KYAT3: variants seen among roughly 807,000 people sequenced by gnomAD.
KYAT3 encodes kynurenine--oxoglutarate transaminase 3.
KYAT3 carries 50 observed loss-of-function variants against 59.0 expected under a neutral mutation model. The observed-to-expected ratio is 0.85, with a 90% CI of 0.68 to 1.07. The LOEUF is 1.07. Among genes scored for constraint, KYAT3 ranks in the 50% least tolerant of loss-of-function variants. The pLI is 0.00. For missense variants in KYAT3, 497 were observed against 533.3 expected (o/e 0.93, Z 0.67); for synonymous variants, 148 against 177.0 (o/e 0.84, Z 1.30).
chr1:88,988,827 T>C (rs1046781403), intron 1 of KYAT3, among the ~76,000 whole-genome samples: 4 of 152,210 alleles, frequency 2.6e-5, no homozygotes, highest in Admixed American at 2.0e-4. Context: ...AGACGAATGA[T>C]AGTAGGTCCT....
chr1:88,984,156 T>G lies in KYAT3; in HGVS notation c.99+4096A>C, dbSNP rs145613765. On this transcript the variant is annotated intron_variant, in intron 2 of 13. Coordinates refer to ENST00000260508, the MANE Select transcript of KYAT3 (RefSeq NM_001008661.3). ...TAAAGATACATAAAAAATGCAATTATATTAAGCTCAAAAGTGTGTATAATT... is the reference window on the plus strand; with the variant it reads ...TAAAGATACATAAAAAATGCAATTAGATTAAGCTCAAAAGTGTGTATAATT... 4.7e-3 allele frequency: 1,453 copies of G among 310,116 alleles called. 18 individuals are homozygous for G. The highest frequency in any genetic ancestry group is 0.03 in the African/African-American group (1,392 of 46,992). 19.2% of individuals were successfully genotyped at this position (310,116 alleles called of 1,614,324 possible). A position where few individuals can be genotyped will look rare whatever the true frequency, so the allele number is the denominator to read the frequency against.
the KYAT3 span, among the ~76,000 whole-genome samples, chr1:88,928,240 A>G: frequency 2.0e-5 from 3 of 151,938 alleles, no homozygotes; most frequent in Non-Finnish European, 2.9e-5. Flanking sequence ...TAAAGGATAA[A>G]TTTTTCACTC....
At chr1:88,988,192 A>G (rs1677581164) in intron 2 of KYAT3, 60 bp downstream of exon 2, 2 of 1,060,620 alleles carry the variant, frequency 1.9e-6, no homozygotes, top group East Asian at 2.4e-5. Flanking sequence ...GAAAAATTAC[A>G]TATTTTTTGG....
At chr1:88,925,245 C>T in the KYAT3 span, among the ~76,000 whole-genome samples, 9 of 152,218 alleles carry the variant, frequency 5.9e-5, no homozygotes, top group Non-Finnish European at 8.8e-5. Flanking sequence ...TGACATTAGC[C>T]GGTTGAGATC....
chr1:88,966,613 C>A (rs1676360450), intron 4 of KYAT3, among the ~76,000 whole-genome samples: 1 of 151,684 alleles, frequency 6.6e-6, no homozygotes, highest in African/African-American at 2.4e-5. Flanking sequence ...TTGTAGTAGG[C>A]TTTTTTTTCT....
At chr1:88,929,129 A>G in the KYAT3 span, among the ~76,000 whole-genome samples, 43 of 152,178 alleles carry the variant, frequency 2.8e-4, no homozygotes, top group African/African-American at 1.0e-3. Flanking sequence ...TTTCCCTACC[A>G]AAGGCAGTAC....
intron 2 of KYAT3, chr1:88,983,976 G>C: frequency 1.5e-6 from 1 of 666,098 alleles, no homozygotes; most frequent in Non-Finnish European, 2.5e-6. Context: ...GCGCAATCTG[G>C]ATGCTTTTTA....
rs567427407 is a variant in KYAT3, at chr1:88,991,685, TG to T, written c.-2+899del. 6.8e-3 allele frequency among the ~76,000 whole-genome samples: 1,036 copies of T among 152,334 alleles called. 6 individuals are homozygous for T. Among genetic ancestry groups the T allele is most frequent in the Non-Finnish European group, 0.01 (700 of 68,026 alleles). ...CACGAGCCTGAAATTGCTGAAAAAC[TG>T]TTCTATGAAAATGGATTCGTGTAAC... On this transcript the variant is annotated intron_variant, in intron 1 of 13. Coordinates refer to ENST00000260508, the MANE Select transcript of KYAT3 (RefSeq NM_001008661.3).
Position 88,960,379 on chromosome 1 carries a change from G to A in KYAT3, c.787+788C>T, listed in dbSNP as rs553596395. Among the ~76,000 whole-genome samples, 4 of 135,768 alleles carry A rather than the reference G, an allele frequency of 2.9e-5. No individual in the cohort carries two copies. In the South Asian group the frequency reaches 9.1e-4, roughly 31 times the overall value. 89.1% of individuals were successfully genotyped at this position (135,768 alleles called of 152,430 possible). On this transcript the variant is annotated intron_variant, in intron 8 of 13. Coordinates refer to ENST00000260508, the MANE Select transcript of KYAT3 (RefSeq NM_001008661.3). ...CTATGGAAAATGGGGATGCAGAAGA[G>A]ACTAAAACAAACAAAATCCCTCCAT...
intron 2 of KYAT3, chr1:88,984,076 T>C (rs1455209250): frequency 1.8e-6 from 1 of 560,186 alleles, no homozygotes; most frequent in African/African-American, 1.9e-5. Flanking sequence ...CCTGTAATGG[T>C]GGAAGAAATG....
chr1:88,964,238 G>A (rs1676254773), intron 5 of KYAT3, among the ~76,000 whole-genome samples: 1 of 152,106 alleles, frequency 6.6e-6, no homozygotes, highest in Admixed American at 6.6e-5. Flanking sequence ...ATCCTCACAT[G>A]GGATGGCTTA....
chr1:88,960,828 G>T (rs866936935), intron 8 of KYAT3, among the ~76,000 whole-genome samples: 1 of 152,184 alleles, frequency 6.6e-6, no homozygotes, highest in Non-Finnish European at 1.5e-5. Context: ...GTTCAGCATA[G>T]ACCGTCTAGA....
At chr1:88,941,261 G>A (rs1221570524) in intron 13 of KYAT3, among the ~76,000 whole-genome samples, 1 of 152,138 alleles carries the variant, frequency 6.6e-6, no homozygotes, top group African/African-American at 2.4e-5. Context: ...TTCTGAGCAA[G>A]TCTGGCTATC....
At chr1:88,976,703 A>G (rs971542557) in intron 2 of KYAT3, among the ~76,000 whole-genome samples, 19 of 152,226 alleles carry the variant, frequency 1.2e-4, no homozygotes, top group African/African-American at 4.3e-4. Context: ...AGCTCCATGC[A>G]TGTTATTGTC....
intron 4 of KYAT3, among the ~76,000 whole-genome samples, chr1:88,967,834 C>A (rs1365850227): frequency 1.3e-5 from 2 of 151,762 alleles, no homozygotes; most frequent in Non-Finnish European, 2.9e-5. Flanking sequence ...TTCAAAGAAC[C>A]AGCTTTTGGT....
chr1:88,953,980 C>G (rs879460982), intron 9 of KYAT3, among the ~76,000 whole-genome samples: 12 of 151,412 alleles, frequency 7.9e-5, no homozygotes, highest in Non-Finnish European at 1.6e-4. Context: ...TCGGCTCACT[C>G]AACCTCCGCC....
At chr1:88,975,047 C>T (rs554489646) in intron 2 of KYAT3, among the ~76,000 whole-genome samples, 2 of 152,344 alleles carry the variant, frequency 1.3e-5, no homozygotes, top group South Asian at 4.1e-4. Context: ...CTGCTGCTCA[C>T]TCTTTGGGTC....
rs1570801955 is a variant in KYAT3 at position 88,962,149 on chromosome 1, C to T, written c.454-4G>A. 1 of 1,597,630 alleles carries T rather than the reference C, an allele frequency of 6.3e-7. No individual in the cohort carries two copies. Among genetic ancestry groups the T allele is most frequent in the East Asian group, 2.2e-5 (1 of 44,730 alleles). ...AGAAAGGCACTATTAGTATGACCTG[C>T]AATAAAAGCAAATAAGATCACAACC... On this transcript the variant is annotated splice_region_variant and splice_polypyrimidine_tract_variant and intron_variant, in intron 5 of 13. Transcript: ENST00000260508.
downstream of KYAT3, among the ~76,000 whole-genome samples, chr1:88,932,205 A>G (rs1265704292): frequency 6.6e-6 from 1 of 152,232 alleles, no homozygotes; most frequent in Non-Finnish European, 1.5e-5. Context: ...CCCTATGACA[A>G]CAGTGTTGAT....
Sources: allele counts gnomAD v4.1 joint callset (sites outside exome capture counted in the v4.1 genomes callset), GRCh38; gene constraint gnomAD v4.1.1; transcripts MANE v1.5; gene names NCBI Gene and HGNC (gene_info 2026-07-23, HGNC 2026-07-21).